C5orf24: variants seen among roughly 807,000 people sequenced by gnomAD.
C5orf24 encodes chromosome 5 open reading frame 24, also known as UPF0461 protein C5orf24.
In C5orf24, 4 loss-of-function variants were observed where a neutral mutation model predicts 9.8. The ratio of observed to expected loss-of-function variants is 0.41; its 90% CI spans 0.20 to 0.93. The LOEUF (loss-of-function observed/expected upper bound fraction) is 0.93. Ranked by LOEUF, C5orf24 falls within the 40% of genes least tolerant of loss-of-function variation. The probability of loss-of-function intolerance (pLI) is 0.33; values close to 1 mark genes in which losing one functional copy is unlikely to be tolerated. For synonymous variants in C5orf24, 73 were observed against 81.3 expected (o/e 0.90, Z 0.55); for missense variants, 170 against 236.9 (o/e 0.72, Z 1.85).
chr5:134,848,815 G>A (rs1756070995), intron 1 of C5orf24, among the ~76,000 whole-genome samples: 1 of 143,886 alleles, frequency 6.9e-6, no homozygotes, highest in Non-Finnish European at 1.5e-5. Context: ...AAAAAAATTG[G>A]GCGTGGTGGC....
the C5orf24 span, among the ~76,000 whole-genome samples, chr5:134,835,996 T>C: frequency 6.6e-6 from 1 of 152,006 alleles, no homozygotes; most frequent in East Asian, 1.9e-4. Context: ...TTTTTTTTTC[T>C]TTCTTTATTT....
rs1756345005 is a variant in C5orf24, at chr5:134,857,463, T to C, written c.*1996T>C. On this transcript the variant is annotated 3_prime_UTR_variant, in exon 2 of 2. Transcript: ENST00000394976. ...GGTGTTGCATTGTATGTGGGGACTA[T>C]GTGCACTGGCGTCTAAGACAGTGAC... is the stretch of plus-strand genomic sequence containing the variant. The C allele has an allele frequency of 2.7e-6, 4 of 1,499,662 alleles. No individual in the cohort carries two copies. Among genetic ancestry groups the C allele is most frequent in the South Asian group, 1.3e-5 (1 of 75,104 alleles). The allele number at this position is 1,499,662 out of a possible 1,614,324, so 92.9% of individuals were successfully genotyped here. A position where few individuals can be genotyped will look rare whatever the true frequency, so the allele number is the denominator to read the frequency against.
the C5orf24 span, among the ~76,000 whole-genome samples, chr5:134,838,086 A>AAAAACAAAAC: frequency 6.6e-6 from 1 of 152,264 alleles, no homozygotes; most frequent in Middle Eastern, 3.4e-3. Flanking sequence ...GTCTGTATTT[A>AAAAACAAAAC]AAAACAAAAC....
the C5orf24 span, among the ~76,000 whole-genome samples, chr5:134,838,808 G>A: frequency 6.6e-6 from 1 of 151,720 alleles, no homozygotes; most frequent in African/African-American, 2.4e-5. Flanking sequence ...GTCTAAGTAT[G>A]GTCTTGTTGC....
chr5:134,842,048 A>G (rs144158895), upstream of C5orf24, among the ~76,000 whole-genome samples: 2,599 of 152,336 alleles, frequency 0.017, 34 homozygotes, highest in Middle Eastern at 0.027. Flanking sequence ...TTAGAATTTT[A>G]TAAGAGGAGC....
chr5:134,850,956 T>TAC (rs1418000846), intron 1 of C5orf24, among the ~76,000 whole-genome samples: 14 of 146,382 alleles, frequency 9.6e-5, no homozygotes, highest in Admixed American at 2.7e-4. Flanking sequence ...ACACACACAC[T>TAC]ACACACACAT....
At chr5:134,844,948 G>C (rs563429353), upstream of C5orf24, among the ~76,000 whole-genome samples, 34 of 152,160 alleles carry the variant, frequency 2.2e-4, no homozygotes, top group Non-Finnish European at 3.7e-4. Flanking sequence ...ATGTTAGTCA[G>C]GCTTGTTTCG....
In C5orf24 at chr5:134,852,887, C is replaced by T. The variant is rs142447788; in HGVS notation, c.-3-2011C>T. Among the ~76,000 whole-genome samples the T allele has an allele frequency of 2.5e-3, 378 of 152,184 alleles. 1 individual carries two copies. Among genetic ancestry groups the T allele is most frequent in the African/African-American group, 8.2e-3 (340 of 41,518 alleles). On this transcript the variant is annotated intron_variant, in intron 1 of 1. Transcript: ENST00000394976. ...CCTCATTTCTATTAAAAATACAGTCCGGGCACGGTGGCTCACACCTGTAAT... is the reference window on the plus strand; with the variant it reads ...CCTCATTTCTATTAAAAATACAGTCTGGGCACGGTGGCTCACACCTGTAAT...
rs569083191 is a variant in C5orf24, at chr5:134,859,326, G to A, written c.*3859G>A. 20 of 167,034 alleles carry A rather than the reference G, an allele frequency of 1.2e-4. No individual in the cohort carries two copies. Among genetic ancestry groups the A allele is most frequent in the African/African-American group, 4.3e-4 (18 of 41,510 alleles). 10.3% of individuals were successfully genotyped at this position (167,034 alleles called of 1,614,324 possible). ...TTTTTGTTTTTATTACAGCTTAACT[G>A]TATGCTGTTAAACTCTAGGATGTAT... is the stretch of plus-strand genomic sequence containing the variant. On this transcript the variant is annotated 3_prime_UTR_variant, in exon 2 of 2. Transcript: ENST00000394976.
At chr5:134,835,678 C>T in the C5orf24 span, among the ~76,000 whole-genome samples, 3 of 151,968 alleles carry the variant, frequency 2.0e-5, no homozygotes, top group Non-Finnish European at 2.9e-5. Context: ...TTTGAAGCTT[C>T]TGTGTTTTTT....
intron 1 of C5orf24, among the ~76,000 whole-genome samples, chr5:134,850,937 T>TATACATACACAC (rs762710710): frequency 6.8e-6 from 1 of 146,992 alleles, no homozygotes; most frequent in African/African-American, 2.5e-5. Flanking sequence ...TATATATATA[T>TATACATACACAC]ACACACACAC....
At chr5:134,834,476 GAA>G in the C5orf24 span, among the ~76,000 whole-genome samples, 1 of 152,194 alleles carries the variant, frequency 6.6e-6, no homozygotes, top group Non-Finnish European at 1.5e-5. Context: ...GTTAACTTTG[GAA>G]AAGAGTCCTC....
intron 1 of C5orf24, among the ~76,000 whole-genome samples, chr5:134,851,018 T>TTATG (rs1046497322): frequency 1.3e-5 from 2 of 150,516 alleles, no homozygotes; most frequent in African/African-American, 2.4e-5. Flanking sequence ...ATTTATTTAT[T>TTATG]TATTTATTTA....
chr5:134,841,196 C>G (rs1755887984), upstream of C5orf24, among the ~76,000 whole-genome samples: 1 of 152,108 alleles, frequency 6.6e-6, no homozygotes, highest in South Asian at 2.1e-4. Flanking sequence ...TCAATTCTCT[C>G]TTAGCTTTTC....
chr5:134,839,595 C>T, the C5orf24 span, among the ~76,000 whole-genome samples: 2,624 of 151,852 alleles, frequency 0.017, 52 homozygotes, highest in Non-Finnish European at 0.028. Flanking sequence ...GTCAATACTG[C>T]TTTTATTATT....
At chr5:134,842,132 G>C (rs1382577804), upstream of C5orf24, among the ~76,000 whole-genome samples, 1 of 152,120 alleles carries the variant, frequency 6.6e-6, no homozygotes, top group Non-Finnish European at 1.5e-5. Context: ...CTATTGTGAA[G>C]ATAGTTTAGA....
chr5:134,856,559 T>A lies in C5orf24; in HGVS notation c.*1092T>A. On this transcript the variant is annotated 3_prime_UTR_variant, in exon 2 of 2. Transcript: ENST00000394976. Reference sequence around the variant, plus strand: ...GGGAGGCTGAGGCAGGAGAATTGCTTAAATCCAGGAGGCGGAGGTTGCAGT... The same window carrying A: ...GGGAGGCTGAGGCAGGAGAATTGCTAAAATCCAGGAGGCGGAGGTTGCAGT... 1 of 353,112 alleles carries A rather than the reference T, an allele frequency of 2.8e-6. No individual in the cohort carries two copies. Among genetic ancestry groups the A allele is most frequent in the Non-Finnish European group, 4.2e-6 (1 of 240,350 alleles). The allele number at this position is 353,112 out of a possible 1,614,324, so 21.9% of individuals were successfully genotyped here.
At chr5:134,841,451 G>C (rs1755892542), upstream of C5orf24, among the ~76,000 whole-genome samples, 1 of 152,056 alleles carries the variant, frequency 6.6e-6, no homozygotes, top group Admixed American at 6.6e-5. Flanking sequence ...GCCAGGTGTG[G>C]TGGCTCGTGC....
In C5orf24 at chr5:134,854,584, G is replaced by A. The variant is rs142477435; in HGVS notation, c.-3-314G>A. Among the ~76,000 whole-genome samples, 13 of 152,310 alleles carry A rather than the reference G, an allele frequency of 8.5e-5. No homozygotes were observed. The East Asian group carries it at 2.5e-3, about 29-fold the overall frequency. The stretch of plus-strand genomic sequence containing the variant: ...AGGTTTAGTAATCTAGAAGAGAAAA[G>A]CCCACAGAATAGAACATTTGTTTTT... On this transcript the variant is annotated intron_variant, in intron 1 of 1. Transcript: ENST00000394976.
Sources: gnomAD v4.1 joint callset for allele counts (sites outside exome capture counted in the v4.1 genomes callset) on GRCh38, gnomAD v4.1.1 for gene constraint, MANE v1.5 for transcripts, NCBI Gene and HGNC (gene_info 2026-07-23, HGNC 2026-07-21) for gene names.